Variants in INKA2 observed in about 807,000 individuals in gnomAD.
INKA2 encodes inka box actin regulator 2, also known as PAK4-inhibitor INKA2.
Under a neutral mutation model 9.8 loss-of-function variants are expected in INKA2, and 3 were observed. The observed-to-expected ratio is 0.31, with a 90% confidence interval of 0.14 to 0.79. INKA2 has a LOEUF of 0.79. Among genes scored for constraint, INKA2 ranks in the 30% least tolerant of loss-of-function variants. The probability of loss-of-function intolerance (pLI) is 0.62; values close to 1 mark genes in which losing one functional copy is unlikely to be tolerated. For missense variants in INKA2, 392 were observed against 384.4 expected, an observed-to-expected ratio of 1.02 and a Z score of -0.17; for synonymous variants, 147 against 143.3, an observed-to-expected ratio of 1.03 and a Z score of -0.18.
At chr1:111,729,615 G>C (rs1466673482) in intron 1 of INKA2, among the ~76,000 whole-genome samples, 1 of 152,244 alleles carries the variant, frequency 6.6e-6, no homozygotes, top group African/African-American at 2.4e-5. Context: ...TCCTGATCAA[G>C]TTACCAACAG....
chr1:111,749,926 G>A (rs148152914), intron 1 of INKA2, among the ~76,000 whole-genome samples: 14 of 124,856 alleles, frequency 1.1e-4, no homozygotes, highest in African/African-American at 1.9e-4. Context: ...TCCACATTCC[G>A]TCTTCAGAGA....
chr1:111,744,152 G>C (rs1400933999), upstream of INKA2, among the ~76,000 whole-genome samples: 1 of 152,208 alleles, frequency 6.6e-6, no homozygotes, highest in Admixed American at 6.5e-5. Flanking sequence ...ACAGGACTGG[G>C]CTCCTCTGAC....
Position 111,727,114 on chromosome 1 carries a change from T to C in INKA2, c.748A>G (p.Lys250Glu). ...SRTGRSQKVKKRSLSKGSGHF... is the reference protein window; with the variant it reads ...SRTGRSQKVKERSLSKGSGHF... ...CCAGAGCCCTTGGAAAGGCTCCGCT[T>C]CTTGACCTTCTGTGAGCGGCCGGTT... The change falls in exon 2 of 2, where the codon AAG (lysine) becomes GAG (glutamate). Residue 250 changes from lysine to glutamate, a missense_variant. Coordinates refer to ENST00000357260, the MANE Select transcript of INKA2 (RefSeq NM_019099.5). The C allele has an allele frequency of 6.2e-7, 1 of 1,614,236 alleles. No homozygotes were observed. The highest frequency in any genetic ancestry group is 8.5e-7 in the Non-Finnish European group (1 of 1,180,044).
intron 1 of INKA2, chr1:111,753,822 A>G (rs573213136): frequency 8.5e-5 from 13 of 152,370 alleles, no homozygotes; most frequent in African/African-American, 3.1e-4. Flanking sequence ...CAAGTAACCA[A>G]GCAAATACAA....
intron 1 of INKA2, among the ~76,000 whole-genome samples, chr1:111,749,480 G>A (rs1013988738): frequency 3.3e-5 from 5 of 152,020 alleles, no homozygotes; most frequent in African/African-American, 9.7e-5. Flanking sequence ...CAAGGCAGGG[G>A]AGTCTCTGGT....
chr1:111,723,451 CTT>C lies in INKA2; in HGVS notation c.*3515_*3516del, dbSNP rs1358325244. The stretch of plus-strand genomic sequence containing the variant: ...CCCACTAGCATGCCCAGCAGGGACT[CTT>C]TTCTGTTCCCTGGGCCACAAAGAAG... On this transcript the variant is annotated 3_prime_UTR_variant, in exon 2 of 2. Transcript: ENST00000357260. The C allele has an allele frequency of 3.3e-6, 1 of 302,992 alleles. No individual in the cohort carries two copies. Among genetic ancestry groups the C allele is most frequent in the African/African-American group, 2.2e-5 (1 of 45,978 alleles). 18.8% of individuals were successfully genotyped at this position (302,992 alleles called of 1,614,324 possible).
intron 1 of INKA2, chr1:111,745,613 A>T (rs1375069069): frequency 6.6e-6 from 1 of 152,072 alleles, no homozygotes; most frequent in Non-Finnish European, 1.5e-5. Flanking sequence ...GGAAAAGCAA[A>T]TATTTTTGAA....
At chr1:111,746,877 C>T (rs1377350027) in intron 1 of INKA2, 1 of 152,220 alleles carries the variant, frequency 6.6e-6, no homozygotes, top group African/African-American at 2.4e-5. Context: ...AATCCACATC[C>T]TCTCGGTCAT....
intron 1 of INKA2, among the ~76,000 whole-genome samples, chr1:111,736,398 G>C (rs1663008161): frequency 6.6e-6 from 1 of 152,142 alleles, no homozygotes; most frequent in Non-Finnish European, 1.5e-5. Context: ...CACTACTTTG[G>C]TTTTCAGAAA....
intron 1 of INKA2, among the ~76,000 whole-genome samples, chr1:111,751,572 T>C (rs578056257): frequency 6.6e-6 from 1 of 152,200 alleles, no homozygotes; most frequent in African/African-American, 2.4e-5. Flanking sequence ...TTCTGAGGAG[T>C]TACTTGAGGG....
At chr1:111,736,848 G>A (rs543109888) in intron 1 of INKA2, among the ~76,000 whole-genome samples, 3 of 152,204 alleles carry the variant, frequency 2.0e-5, no homozygotes, top group African/African-American at 2.4e-5. Context: ...TACTGTCCCT[G>A]GGCAAGGCAG....
At chr1:111,741,957 C>A (rs1321291080), upstream of INKA2, among the ~76,000 whole-genome samples, 1 of 152,126 alleles carries the variant, frequency 6.6e-6, no homozygotes, top group Non-Finnish European at 1.5e-5. Flanking sequence ...CTCAGGTGAT[C>A]CGCCTGCCTC....
rs369068330 is a variant in INKA2, at chr1:111,734,513, C to T, written c.57+4673G>A. Among the ~76,000 whole-genome samples, 9 of 152,278 alleles carry T rather than the reference C, an allele frequency of 5.9e-5. No homozygotes were observed. The East Asian group carries it at 7.7e-4, about 13-fold the overall frequency. ...CCTCCCTCCACCTCCACCTCTACCCCATATCACCTTCTGGATCCCAGGGCT... is the reference window on the plus strand; with the variant it reads ...CCTCCCTCCACCTCCACCTCTACCCTATATCACCTTCTGGATCCCAGGGCT... On this transcript the variant is annotated intron_variant, in intron 1 of 1. Coordinates refer to ENST00000357260, the MANE Select transcript of INKA2 (RefSeq NM_019099.5).
chr1:111,745,023 C>T (rs1403036279), intron 1 of INKA2, among the ~76,000 whole-genome samples: 2 of 151,604 alleles, frequency 1.3e-5, no homozygotes, highest in Non-Finnish European at 2.9e-5. Flanking sequence ...TGAATGGCTC[C>T]CAGGCTATCT....
At position 111,749,421 on chromosome 1, in the gene INKA2, GGTGT is replaced by G. The variant is rs58362318; in HGVS notation, n.124+6276_124+6279del. Among the ~76,000 whole-genome samples the G allele has an allele frequency of 7.5e-3, 1,120 of 150,074 alleles. 4 individuals are homozygous for G. The highest frequency in any genetic ancestry group is 0.034 in the Middle Eastern group (10 of 292). Reference sequence around the variant, plus strand: ...GAGGTAACTATGCTGTGTGTGTTGGGGTGTGTGTGTGTGTGTGTGTGTGTGCGCG... The same window carrying G: ...GAGGTAACTATGCTGTGTGTGTTGGGGTGTGTGTGTGTGTGTGTGTGCGCG... On this transcript the variant is annotated intron_variant and non_coding_transcript_variant, in intron 1 of 1. Transcript: ENST00000444059.
Position 111,726,522 on chromosome 1 carries a change from C to G in INKA2, c.*446G>C, listed in dbSNP as rs1003787784. 5.1e-6 allele frequency: 1 copy of G among 195,896 alleles called. No individual in the cohort carries two copies. The highest frequency in any genetic ancestry group is 2.3e-5 in the African/African-American group (1 of 42,796). 12.1% of individuals were successfully genotyped at this position (195,896 alleles called of 1,614,324 possible). On this transcript the variant is annotated 3_prime_UTR_variant, in exon 2 of 2. Coordinates refer to ENST00000357260, the MANE Select transcript of INKA2 (RefSeq NM_019099.5). ...GACAGAAGGTTGGGAGAGCCATAGA[C>G]AGGTCTTTATTTGGGGGCCTATCTG...
intron 1 of INKA2, among the ~76,000 whole-genome samples, chr1:111,751,651 C>A (rs1663414651): frequency 6.6e-6 from 1 of 152,220 alleles, no homozygotes; most frequent in South Asian, 2.1e-4. Context: ...ACCTGGCCTA[C>A]ACTTCACTCT....
At chr1:111,739,457 C>T (rs1663092570), upstream of INKA2, 1 of 1,420,554 alleles carries the variant, frequency 7.0e-7, no homozygotes, top group Non-Finnish European at 9.2e-7. Context: ...GTGGGACAGC[C>T]AATGAGAATT....
intron 1 of INKA2, chr1:111,754,052 G>T (rs1438010090): frequency 6.6e-6 from 1 of 152,238 alleles, no homozygotes; most frequent in East Asian, 1.9e-4. Flanking sequence ...GGAGGTTTTT[G>T]CGAGTTAGGA....
Sources: allele counts gnomAD v4.1 joint callset (sites outside exome capture counted in the v4.1 genomes callset), GRCh38; gene constraint gnomAD v4.1.1; transcripts MANE v1.5; gene names NCBI Gene and HGNC (gene_info 2026-07-23, HGNC 2026-07-21).